MTERF1: variants seen among roughly 807,000 people sequenced by gnomAD.
The protein encoded by MTERF1 is transcription termination factor 1, mitochondrial.
In MTERF1, 29 loss-of-function variants were observed where a neutral mutation model predicts 31.6. That is an observed-to-expected ratio of 0.92 (90% CI 0.68 to 1.25). The LOEUF (loss-of-function observed/expected upper bound fraction) is 1.25. Ranked by LOEUF, MTERF1 falls within the 50% of genes most tolerant of loss-of-function variation. MTERF1 has a pLI of 0.00. For synonymous variants in MTERF1, 152 were observed against 164.1 expected (o/e 0.93, Z 0.57); for missense variants, 500 against 469.1 (o/e 1.07, Z -0.61).
Position 91,871,780 on chromosome 7 carries a change from T to C in MTERF1, c.*1814A>G, listed in dbSNP as rs1489084975. ...AACATATTCTAAAACTAGATTGTGGTGATGGTTGCTGCTATGGTTTGACTA... is the reference window on the plus strand; with the variant it reads ...AACATATTCTAAAACTAGATTGTGGCGATGGTTGCTGCTATGGTTTGACTA... On this transcript the variant is annotated 3_prime_UTR_variant, in exon 3 of 3. Transcript: ENST00000351870. 6.6e-6 allele frequency: 1 copy of C among 152,238 alleles called. No homozygotes were observed. The highest frequency in any genetic ancestry group is 1.5e-5 in the Non-Finnish European group (1 of 68,054). 9.4% of individuals were successfully genotyped at this position (152,238 alleles called of 1,614,324 possible).
Position 91,872,460 on chromosome 7 carries a change from A to C in MTERF1, c.*1134T>G, listed in dbSNP as rs1371679586. On this transcript the variant is annotated 3_prime_UTR_variant, in exon 3 of 3. Coordinates refer to ENST00000351870, the MANE Select transcript of MTERF1 (RefSeq NM_006980.5). ...TTACTCAGGAATGGTGCCCAGATAC[A>C]TCACTCTAAAGCTCTTGCTTTCTAA... 2 of 152,230 alleles carry C rather than the reference A, an allele frequency of 1.3e-5. No individual in the cohort carries two copies. The highest frequency in any genetic ancestry group is 4.8e-5 in the African/African-American group (2 of 41,456). The allele number at this position is 152,230 out of a possible 1,614,324, so 9.4% of individuals were successfully genotyped here. A position where few individuals can be genotyped will look rare whatever the true frequency, so the allele number is the denominator to read the frequency against.
At chr7:91,877,213 C>T (rs1337966614) in intron 2 of MTERF1, among the ~76,000 whole-genome samples, 1 of 152,182 alleles carries the variant, frequency 6.6e-6, no homozygotes, top group Non-Finnish European at 1.5e-5. Flanking sequence ...AGTGCACTTT[C>T]TTAGGACTAT....
rs1250431938 is a variant in MTERF1, at chr7:91,874,336, T to C, written c.458A>G (p.Asp153Gly). The C allele has an allele frequency of 6.2e-6, 10 of 1,614,012 alleles. No homozygotes were observed. The East Asian group carries it at 1.1e-4, about 18-fold the overall frequency. Residue 153 changes from aspartate (D) to glycine (G), a missense_variant, in exon 3 of 3, where the codon GAC becomes GGC. Asp to Gly is a moderately conservative substitution (Grantham distance 94, BLOSUM62 -1). Coordinates refer to ENST00000351870, the MANE Select transcript of MTERF1 (RefSeq NM_006980.5). ...WDLWRKIVTS[D>G]LEIVNILERS... ...TTCCAAAATATTTACAATTTCAAGG[T>C]CTGATGTCACAATCTTTCTCCACAG... is the stretch of plus-strand genomic sequence containing the variant.
At chr7:91,878,925 T>G (rs1372979287) in intron 2 of MTERF1, among the ~76,000 whole-genome samples, 2 of 152,200 alleles carry the variant, frequency 1.3e-5, no homozygotes, top group Non-Finnish European at 2.9e-5. Flanking sequence ...CACTTTGAGA[T>G]GTTGGCCAGG....
At chr7:91,876,560 C>A (rs1325046875) in intron 2 of MTERF1, among the ~76,000 whole-genome samples, 2 of 152,196 alleles carry the variant, frequency 1.3e-5, no homozygotes, top group Non-Finnish European at 2.9e-5. Flanking sequence ...TCAATTACTC[C>A]AATTTTAACT....
intron 2 of MTERF1, among the ~76,000 whole-genome samples, chr7:91,875,698 A>G (rs995935513): frequency 2.7e-4 from 41 of 152,176 alleles, no homozygotes; most frequent in African/African-American, 8.7e-4. Flanking sequence ...CTGAAAACCA[A>G]CACCTCAGAT....
chr7:91,872,226 T>TA lies in MTERF1; in HGVS notation c.*1367dup, dbSNP rs1347436669. On this transcript the variant is annotated 3_prime_UTR_variant, in exon 3 of 3. Coordinates refer to ENST00000351870, the MANE Select transcript of MTERF1 (RefSeq NM_006980.5). Reference sequence around the variant, plus strand: ...ATATAAATTGAACTGTGTTAGACTTTAAATAGGTAAATTGAATATGTGAAT... The same window carrying TA: ...ATATAAATTGAACTGTGTTAGACTTTAAAATAGGTAAATTGAATATGTGAAT... The TA allele has an allele frequency of 6.6e-6, 1 of 152,234 alleles. No homozygotes were observed. The highest frequency in any genetic ancestry group is 6.5e-5 in the Admixed American group (1 of 15,286). The allele number at this position is 152,234 out of a possible 1,614,324, so 9.4% of individuals were successfully genotyped here. A position where few individuals can be genotyped will look rare whatever the true frequency, so the allele number is the denominator to read the frequency against.
At position 91,874,699 on chromosome 7, in the gene MTERF1, T is replaced by C. The variant is rs143117433; in HGVS notation, c.95A>G (p.Asn32Ser). The change falls in exon 3 of 3, where the codon AAC becomes AGC. Residue 32 changes from asparagine (N) to serine (S), a missense_variant. Physicochemically the swap from Asn to Ser is conservative, Grantham distance 46. Coordinates refer to ENST00000351870, the MANE Select transcript of MTERF1 (RefSeq NM_006980.5). ...APGNLWHMRN[N>S]FLFGSRCWMT... is the part of the protein sequence containing the mutation. ...CCAACATCTTGAACCAAAGAGAAAGTTATTTCTCATATGCCAGAGGTTTCC... is the reference window on the plus strand; with the variant it reads ...CCAACATCTTGAACCAAAGAGAAAGCTATTTCTCATATGCCAGAGGTTTCC... 3.0e-5 allele frequency: 48 copies of C among 1,613,954 alleles called. No homozygotes were observed. The highest frequency in any genetic ancestry group is 4.0e-5 in the Non-Finnish European group (47 of 1,179,996).
At position 91,880,129 on chromosome 7, in the gene MTERF1, A is replaced by G. The variant is rs1171580874; in HGVS notation, c.-30-16T>C. ...ACAGCTATCTCTGGAAATGACACAC[A>G]CACACAAAAAAAAGGCAAAATATTT... On this transcript the variant is annotated splice_polypyrimidine_tract_variant and intron_variant, in intron 1 of 2. Transcript: ENST00000351870. 6.2e-6 allele frequency: 10 copies of G among 1,607,714 alleles called. No homozygotes were observed. In the Admixed American group the frequency reaches 1.5e-4, roughly 25 times the overall value.
chr7:91,878,526 T>A (rs188462466), intron 2 of MTERF1, among the ~76,000 whole-genome samples: 1 of 152,302 alleles, frequency 6.6e-6, no homozygotes, highest in Non-Finnish European at 1.5e-5. Context: ...TTCCACTTCT[T>A]GGAGATTATC....
intron 2 of MTERF1, chr7:91,876,936 TA>T: frequency 1.0e-6 from 1 of 985,364 alleles, no homozygotes; most frequent in Non-Finnish European, 1.2e-6. Context: ...TCTACTGGAA[TA>T]AAGGGGCAGA....
In MTERF1 at chr7:91,874,189, C is replaced by G. The variant is rs149835747; in HGVS notation, c.605G>C (p.Arg202Pro). Residue 202 changes from arginine to proline, a missense_variant, in exon 3 of 3, where the codon CGT (arginine) becomes CCT (proline). By Grantham distance (103) the Arg-to-Pro change is moderately radical (BLOSUM62 -2). Coordinates refer to ENST00000351870, the MANE Select transcript of MTERF1 (RefSeq NM_006980.5). Reference sequence around the variant, plus strand: ...CAGATCAAGACTATTGGAGAAGGTACGAGGGGCATTGGTCAACAATCGACA... The same window carrying G: ...CAGATCAAGACTATTGGAGAAGGTAGGAGGGGCATTGGTCAACAATCGACA... Reference protein sequence around the residue: ...CLCRLLTNAPRTFSNSLDLNK... With the variant: ...CLCRLLTNAPPTFSNSLDLNK... 1 of 1,613,928 alleles carries G rather than the reference C, an allele frequency of 6.2e-7. No homozygotes were observed. The highest frequency in any genetic ancestry group is 1.1e-5 in the South Asian group (1 of 91,084).
At chr7:91,878,575 C>G (rs1026815098) in intron 2 of MTERF1, among the ~76,000 whole-genome samples, 1 of 152,176 alleles carries the variant, frequency 6.6e-6, no homozygotes, top group Non-Finnish European at 1.5e-5. Context: ...CGGCTCACAC[C>G]TGTAATGCCA....
At chr7:91,875,859 C>T (rs1465672334) in intron 2 of MTERF1, among the ~76,000 whole-genome samples, 1 of 152,170 alleles carries the variant, frequency 6.6e-6, no homozygotes, top group Non-Finnish European at 1.5e-5. Flanking sequence ...CCTATCATTC[C>T]CTACGTTGTA....
At chr7:91,877,885 C>T (rs1789385412) in intron 2 of MTERF1, among the ~76,000 whole-genome samples, 1 of 152,210 alleles carries the variant, frequency 6.6e-6, no homozygotes, top group Non-Finnish European at 1.5e-5. Flanking sequence ...CTACTTCTAA[C>T]TACCTTTCTA....
Position 91,874,040 on chromosome 7 carries a change from C to T in MTERF1, c.754G>A (p.Val252Met), listed in dbSNP as rs1789260930. Residue 252 changes from valine to methionine, a missense_variant, in exon 3 of 3, where the codon GTG (valine) becomes ATG (methionine). Physicochemically the swap from Val to Met is conservative, Grantham distance 21 (BLOSUM62 1). Coordinates refer to ENST00000351870, the MANE Select transcript of MTERF1 (RefSeq NM_006980.5). ...PFILIQSTKRVKANIEFLRST... is the reference protein window; with the variant it reads ...PFILIQSTKRMKANIEFLRST... ...CGTAAGAATTCAATGTTAGCTTTCA[C>T]CCGCTTGGTGCTCTGAATTAAGATA... 1.2e-6 allele frequency: 2 copies of T among 1,613,996 alleles called. No individual in the cohort carries two copies. The highest frequency in any genetic ancestry group is 1.3e-5 in the African/African-American group (1 of 74,918).
rs1789190906 is a variant in MTERF1, at chr7:91,871,886, G to C, written c.*1708C>G. On this transcript the variant is annotated 3_prime_UTR_variant, in exon 3 of 3. Coordinates refer to ENST00000351870, the MANE Select transcript of MTERF1 (RefSeq NM_006980.5). ...AGGTGGGGCCTTTAAGAGGTGACTG[G>C]ATCATAAGGGCTATGTCATCAGAAA... The C allele has an allele frequency of 6.6e-6, 1 of 152,200 alleles. No homozygotes were observed. Among genetic ancestry groups the C allele is most frequent in the Non-Finnish European group, 1.5e-5 (1 of 68,046 alleles). 9.4% of individuals were successfully genotyped at this position (152,200 alleles called of 1,614,324 possible). A position where few individuals can be genotyped will look rare whatever the true frequency, so the allele number is the denominator to read the frequency against.
At chr7:91,879,795 T>C (rs1318286357) in intron 2 of MTERF1, among the ~76,000 whole-genome samples, 1 of 152,210 alleles carries the variant, frequency 6.6e-6, no homozygotes, top group African/African-American at 2.4e-5. Flanking sequence ...GACTTCGATC[T>C]ATTTCTCAAA....
intron 2 of MTERF1, among the ~76,000 whole-genome samples, chr7:91,875,887 C>T (rs998631478): frequency 6.6e-6 from 1 of 152,140 alleles, no homozygotes; most frequent in Non-Finnish European, 1.5e-5. Flanking sequence ...AATTCCAAAC[C>T]AATTTTCATC....
Sources: gnomAD v4.1 joint callset for allele counts (sites outside exome capture counted in the v4.1 genomes callset) on GRCh38, gnomAD v4.1.1 for gene constraint, MANE v1.5 for transcripts, NCBI Gene and HGNC (gene_info 2026-07-23, HGNC 2026-07-21) for gene names.